CLSTN2: variants seen among roughly 807,000 people sequenced by gnomAD.
CLSTN2 encodes the protein calsyntenin-2.
Under a neutral mutation model 101.2 loss-of-function variants are expected in CLSTN2, and 48 were observed. The observed-to-expected ratio is 0.47, with a 90% CI of 0.38 to 0.60. The LOEUF is 0.60. Ranked by LOEUF, CLSTN2 falls within the 20% of genes least tolerant of loss-of-function variation. The probability of loss-of-function intolerance (pLI) is 0.00; values close to 1 mark genes in which losing one functional copy is unlikely to be tolerated. For missense variants in CLSTN2, 1,160 were observed against 1,238.2 expected, an observed-to-expected ratio of 0.94 and a Z score of 0.95; for synonymous variants, 481 against 463.6, an observed-to-expected ratio of 1.04 and a Z score of -0.48.
intron 1 of CLSTN2, among the ~76,000 whole-genome samples, chr3:139,974,100 A>C (rs1935770245): frequency 6.6e-6 from 1 of 152,118 alleles, no homozygotes. Context: ...GAACAACTCA[A>C]TCTTTATTGT....
intron 1 of CLSTN2, among the ~76,000 whole-genome samples, chr3:140,107,032 A>G (rs977472057): frequency 1.3e-5 from 2 of 152,238 alleles, no homozygotes; most frequent in Non-Finnish European, 2.9e-5. Flanking sequence ...GGCATTAAAG[A>G]TAAAGATTTT....
intron 1 of CLSTN2, among the ~76,000 whole-genome samples, chr3:140,159,772 T>C (rs2010015659): frequency 6.6e-6 from 1 of 152,082 alleles, no homozygotes; most frequent in African/African-American, 2.4e-5. Context: ...CAGTTGCCTA[T>C]CAACAGTAGA....
chr3:140,296,696 C>T (rs2087007434), intron 2 of CLSTN2, among the ~76,000 whole-genome samples: 2 of 152,222 alleles, frequency 1.3e-5, no homozygotes, highest in South Asian at 4.1e-4. Context: ...TTAGTTTTCT[C>T]TATAGAGGTT....
At chr3:140,292,370 C>T (rs962634607) in intron 2 of CLSTN2, among the ~76,000 whole-genome samples, 1 of 152,214 alleles carries the variant, frequency 6.6e-6, no homozygotes, top group Non-Finnish European at 1.5e-5. Flanking sequence ...ACCCAGTTAA[C>T]TATGTTGTCA....
intron 1 of CLSTN2, among the ~76,000 whole-genome samples, chr3:140,080,096 G>A (rs1022929762): frequency 3.3e-5 from 5 of 152,170 alleles, no homozygotes; most frequent in African/African-American, 9.6e-5. Context: ...CACAGCTAGA[G>A]TGAGGCCAGA....
intron 1 of CLSTN2, among the ~76,000 whole-genome samples, chr3:140,080,149 G>C (rs957526150): frequency 6.6e-6 from 1 of 152,180 alleles, no homozygotes; most frequent in Admixed American, 6.5e-5. Context: ...CCTCATGATA[G>C]AGCAAGGATA....
chr3:140,171,732 A>T (rs1448131913), intron 1 of CLSTN2, among the ~76,000 whole-genome samples: 2 of 111,580 alleles, frequency 1.8e-5, no homozygotes, highest in Non-Finnish European at 3.4e-5. Context: ...TATTATATAT[A>T]ATATATTAAT....
intron 2 of CLSTN2, among the ~76,000 whole-genome samples, chr3:140,287,955 A>G (rs1375074886): frequency 1.3e-5 from 2 of 152,188 alleles, no homozygotes; most frequent in Non-Finnish European, 2.9e-5. Context: ...TCAGAAGACT[A>G]AGTTGCTCAT....
rs142065437 is a variant in CLSTN2 at position 139,972,477 on chromosome 3, C to T, written c.109+36994C>T. ...TGAGTGGAGAGGAAAGAGTAGGCCA[C>T]GGAGCCAGACAGTGGACTAAACACT... On this transcript the variant is annotated intron_variant, in intron 1 of 16. Coordinates refer to ENST00000458420, the MANE Select transcript of CLSTN2 (RefSeq NM_022131.3). 9.9e-5 allele frequency among the ~76,000 whole-genome samples: 15 copies of T among 152,202 alleles called. No homozygotes were observed. In the East Asian group the frequency reaches 1.9e-3, roughly 20 times the overall value.
intron 2 of CLSTN2, among the ~76,000 whole-genome samples, chr3:140,304,970 A>G (rs2107912311): frequency 6.6e-6 from 1 of 152,094 alleles, no homozygotes; most frequent in Middle Eastern, 3.4e-3. Context: ...GAGGCGAGCT[A>G]TGCATGATAG....
intron 2 of CLSTN2, among the ~76,000 whole-genome samples, chr3:140,263,606 T>G (rs1213628233): frequency 1.3e-5 from 2 of 152,212 alleles, no homozygotes; most frequent in African/African-American, 4.8e-5. Flanking sequence ...CCAAATATTA[T>G]TTGTACTACA....
chr3:140,327,310 T>C (rs2087342075), intron 2 of CLSTN2, among the ~76,000 whole-genome samples: 1 of 152,230 alleles, frequency 6.6e-6, no homozygotes. Flanking sequence ...GTCATTACCC[T>C]GTACTCCAGA....
chr3:140,031,105 A>G (rs1228106325), intron 1 of CLSTN2, among the ~76,000 whole-genome samples: 1 of 152,102 alleles, frequency 6.6e-6, no homozygotes, highest in Non-Finnish European at 1.5e-5. Flanking sequence ...TACACTTTTA[A>G]TTTTTCTTAA....
intron 1 of CLSTN2, among the ~76,000 whole-genome samples, chr3:139,954,846 G>A (rs1466718346): frequency 6.6e-6 from 1 of 151,868 alleles, no homozygotes; most frequent in East Asian, 1.9e-4. Context: ...TGAAAAATCT[G>A]ATTGATACAA....
intron 2 of CLSTN2, among the ~76,000 whole-genome samples, chr3:140,213,054 A>G (rs1172474505): frequency 6.6e-6 from 1 of 152,210 alleles, no homozygotes; most frequent in Non-Finnish European, 1.5e-5. Context: ...ACTTCAAATA[A>G]CTTCATAGCC....
chr3:140,539,736 C>CA (rs1935435138), intron 9 of CLSTN2, among the ~76,000 whole-genome samples: 1 of 152,158 alleles, frequency 6.6e-6, no homozygotes, highest in Non-Finnish European at 1.5e-5. Context: ...GATGCATAGG[C>CA]ATAAGTATGA....
chr3:140,564,226 G>A, intron 16 of CLSTN2, 81 bp downstream of exon 16: 1 of 1,303,244 alleles, frequency 7.7e-7, no homozygotes, highest in Non-Finnish European at 1.1e-6. Context: ...GCCTAAAGCA[G>A]CCCCATACCC....
At chr3:140,305,794 G>A (rs11927090) in intron 2 of CLSTN2, among the ~76,000 whole-genome samples, 1 of 151,942 alleles carries the variant, frequency 6.6e-6, no homozygotes, top group Non-Finnish European at 1.5e-5. Context: ...GGGATTGTAT[G>A]TACAGTCTGA....
intron 10 of CLSTN2, among the ~76,000 whole-genome samples, chr3:140,547,751 T>C (rs16850488): frequency 0.26 from 39,128 of 152,070 alleles, 6,572 homozygotes; most frequent in African/African-American, 0.48. Context: ...CACCTGCCCA[T>C]GAGGTCCTGA....
Sources: gnomAD v4.1 joint callset for allele counts (sites outside exome capture counted in the v4.1 genomes callset) on GRCh38, gnomAD v4.1.1 for gene constraint, MANE v1.5 for transcripts, NCBI Gene and HGNC (gene_info 2026-07-23, HGNC 2026-07-21) for gene names.